RBFOX1: variants seen among roughly 807,000 people sequenced by gnomAD.
RBFOX1 encodes RNA binding fox-1 homolog 1.
RBFOX1 carries 8 observed loss-of-function variants against 57.7 expected under a neutral mutation model. That is an observed-to-expected ratio of 0.14 (90% confidence interval 0.08 to 0.25). The LOEUF (loss-of-function observed/expected upper bound fraction) is 0.25, where lower values mean the gene tolerates loss of function less well. RBFOX1 is among the 10% of genes least tolerant of loss of function. The probability of loss-of-function intolerance (pLI) is 1.00; values close to 1 mark genes in which losing one functional copy is unlikely to be tolerated. For missense variants in RBFOX1, 611 were observed against 548.5 expected (o/e 1.11, Z -1.14); for synonymous variants, 326 against 222.4 (o/e 1.47, Z -4.15).
At chr16:6,144,584 C>T (rs1404629063) in intron 1 of RBFOX1, among the ~76,000 whole-genome samples, 1 of 152,184 alleles carries the variant, frequency 6.6e-6, no homozygotes, top group Non-Finnish European at 1.5e-5. Context: ...CATGTAATTT[C>T]TTGTAATGCA....
chr16:6,533,681 A>G (rs1224321030), intron 2 of RBFOX1, among the ~76,000 whole-genome samples: 1 of 152,132 alleles, frequency 6.6e-6, no homozygotes, highest in African/African-American at 2.4e-5. Context: ...GCTGGAATGG[A>G]AACATTTAAC....
chr16:5,679,280 G>A (rs568276402), intron 3 of RBFOX1, among the ~76,000 whole-genome samples: 4 of 151,648 alleles, frequency 2.6e-5, no homozygotes, highest in African/African-American at 9.7e-5. Context: ...TAAATAATAT[G>A]CTAAAGTCAT....
chr16:6,842,388 T>A (rs373815968), intron 3 of RBFOX1, among the ~76,000 whole-genome samples: 6 of 151,758 alleles, frequency 4.0e-5, no homozygotes, highest in Admixed American at 2.0e-4. Context: ...ATGTTCTCCT[T>A]ATTTAATCCA....
chr16:6,110,270 C>T (rs776388505), intron 1 of RBFOX1, among the ~76,000 whole-genome samples: 3 of 145,894 alleles, frequency 2.1e-5, no homozygotes, highest in Non-Finnish European at 3.0e-5. Context: ...GTCATTGTGA[C>T]TTCTTTGCAG....
At chr16:6,036,061 A>C (rs1238806982) in intron 1 of RBFOX1, among the ~76,000 whole-genome samples, 1 of 152,086 alleles carries the variant, frequency 6.6e-6, no homozygotes, top group Non-Finnish European at 1.5e-5. Context: ...CCCCTCCACC[A>C]CCAAAAATCA....
intron 3 of RBFOX1, among the ~76,000 whole-genome samples, chr16:6,810,086 A>C (rs998776201): frequency 1.3e-5 from 2 of 151,368 alleles, no homozygotes; most frequent in East Asian, 3.9e-4. Context: ...GGTCTCAGGA[A>C]GGAAACTGGT....
At chr16:6,879,503 T>C (rs1305703689) in intron 3 of RBFOX1, among the ~76,000 whole-genome samples, 1 of 152,206 alleles carries the variant, frequency 6.6e-6, no homozygotes, top group East Asian at 1.9e-4. Flanking sequence ...AATTGCAATT[T>C]ACAAACTTAC....
chr16:5,941,611 A>C (rs1045485113), intron 4 of RBFOX1, among the ~76,000 whole-genome samples: 12 of 152,224 alleles, frequency 7.9e-5, no homozygotes. Context: ...CCTGGCACAT[A>C]ATATGTGCTC....
intron 4 of RBFOX1, among the ~76,000 whole-genome samples, chr16:7,496,846 T>G (rs2068832733): frequency 6.6e-6 from 1 of 151,796 alleles, no homozygotes; most frequent in South Asian, 2.1e-4. Flanking sequence ...AATACAAGTT[T>G]AAAAATTAAT....
chr16:6,767,950 G>A (rs62016064), intron 3 of RBFOX1, among the ~76,000 whole-genome samples: 6,299 of 105,266 alleles, frequency 0.06, 181 homozygotes, highest in African/African-American at 0.073. Flanking sequence ...ATAATAATAA[G>A]AAGAAGAAGA....
intron 4 of RBFOX1, among the ~76,000 whole-genome samples, chr16:7,062,932 G>A (rs543864100): frequency 3.8e-5 from 2 of 52,338 alleles, no homozygotes; most frequent in South Asian, 1.3e-3. Context: ...TTTTTTTGCT[G>A]AAGTTAGTCA....
chr16:5,375,167 C>G (rs485335), intron 1 of RBFOX1, among the ~76,000 whole-genome samples: 2 of 150,518 alleles, frequency 1.3e-5, no homozygotes, highest in Middle Eastern at 3.5e-3. Context: ...CCGATCTCTT[C>G]GAGGGACTTC....
intron 2 of RBFOX1, among the ~76,000 whole-genome samples, chr16:6,578,938 A>G (rs1480483120): frequency 7.2e-5 from 11 of 152,092 alleles, no homozygotes; most frequent in Non-Finnish European, 1.5e-4. Flanking sequence ...GGTACAGTGT[A>G]CAAATTACGG....
chr16:6,843,739 C>G (rs1318253825), intron 3 of RBFOX1, among the ~76,000 whole-genome samples: 3 of 152,136 alleles, frequency 2.0e-5, no homozygotes, highest in Non-Finnish European at 2.9e-5. Context: ...TTCCTTTTCA[C>G]ATATAAATTA....
chr16:6,319,079 T>C (rs1268921411), intron 2 of RBFOX1, among the ~76,000 whole-genome samples: 1 of 152,090 alleles, frequency 6.6e-6, no homozygotes, highest in East Asian at 1.9e-4. Context: ...TTGTGTGTTC[T>C]TCACCCATAA....
At chr16:7,092,837 C>G (rs185363596) in intron 4 of RBFOX1, among the ~76,000 whole-genome samples, 88 of 152,270 alleles carry the variant, frequency 5.8e-4, no homozygotes, top group Non-Finnish European at 4.4e-5. Flanking sequence ...GTCCCCTTTA[C>G]CAAATCGAAG....
chr16:5,619,218 C>A (rs1229657116), intron 3 of RBFOX1, among the ~76,000 whole-genome samples: 2 of 152,202 alleles, frequency 1.3e-5, no homozygotes, highest in African/African-American at 2.4e-5. Flanking sequence ...CCACTCTCTT[C>A]CCACTAAGGA....
chr16:6,437,418 G>T (rs933883382), intron 2 of RBFOX1, among the ~76,000 whole-genome samples: 1 of 152,028 alleles, frequency 6.6e-6, no homozygotes, highest in African/African-American at 2.4e-5. Flanking sequence ...CTTTTCCCTT[G>T]GTTCTAAGCT....
At chr16:5,761,539 T>C (rs2053589171) in intron 3 of RBFOX1, among the ~76,000 whole-genome samples, 1 of 152,174 alleles carries the variant, frequency 6.6e-6, no homozygotes, top group Admixed American at 6.5e-5. Context: ...AGGAAAGTCA[T>C]GTCTTACATG....
Sources: allele counts gnomAD v4.1 joint callset (sites outside exome capture counted in the v4.1 genomes callset), GRCh38; gene constraint gnomAD v4.1.1; transcripts MANE v1.5; gene names NCBI Gene and HGNC (gene_info 2026-07-23, HGNC 2026-07-21).